Variants in CEP78 observed in about 807,000 individuals in gnomAD.
The protein encoded by CEP78 is centrosomal protein 78.
CEP78 carries 76 observed loss-of-function variants against 81.2 expected under a neutral mutation model. That is an observed-to-expected ratio of 0.94 (90% confidence interval 0.78 to 1.13). CEP78 has a LOEUF of 1.13. Ranked by LOEUF, CEP78 falls within the 50% of genes most tolerant of loss-of-function variation. CEP78 has a pLI of 0.00. For missense variants in CEP78, 918 were observed against 846.8 expected (o/e 1.08, Z -1.04); for synonymous variants, 293 against 301.4 (o/e 0.97, Z 0.29).
At position 78,246,735 on chromosome 9, in the gene CEP78, C is replaced by G; in HGVS notation, c.845C>G (p.Thr282Ser). Residue 282 changes from threonine (T) to serine (S), a missense_variant, in exon 6 of 17, where the codon ACC becomes AGC. Coordinates refer to ENST00000643273, the MANE Select transcript of CEP78 (RefSeq NM_001330691.3). ...AAGGCTTTGCTAGAGGCCCTTGAAA[C>G]CAATACAACTCTGGTCGTTCTGGAT... ...GAKALLEALE[T>S]NTTLVVLDIR... 3.1e-6 allele frequency: 5 copies of G among 1,611,096 alleles called. No individual in the cohort carries two copies. The highest frequency in any genetic ancestry group is 3.4e-6 in the Non-Finnish European group (4 of 1,178,580).
chr9:78,264,254 GGGC>G lies in CEP78; in HGVS notation c.1564_1566del (p.Gly522del). Reference sequence around the variant, plus strand: ...TGATCCTGGATGATGAAGGTGTTTTGGGCAGCATTGAGAATTCTTTTCAGAAGT... The same window carrying G: ...TGATCCTGGATGATGAAGGTGTTTTGAGCATTGAGAATTCTTTTCAGAAGT... On this transcript the variant is annotated inframe_deletion, in exon 13 of 17. Coordinates refer to ENST00000643273, the MANE Select transcript of CEP78 (RefSeq NM_001330691.3). The G allele has an allele frequency of 6.2e-7, 1 of 1,612,154 alleles. No homozygotes were observed. The highest frequency in any genetic ancestry group is 1.1e-5 in the South Asian group (1 of 90,998).
At chr9:78,244,405 G>A (rs1209317526) in intron 5 of CEP78, among the ~76,000 whole-genome samples, 2 of 152,094 alleles carry the variant, frequency 1.3e-5, no homozygotes, top group Non-Finnish European at 2.9e-5. Flanking sequence ...TGGGATTCCA[G>A]GCATGAGCCA....
intron 1 of CEP78, among the ~76,000 whole-genome samples, chr9:78,238,664 C>T (rs1826075165): frequency 6.6e-6 from 1 of 152,210 alleles, no homozygotes; most frequent in African/African-American, 2.4e-5. Flanking sequence ...CAGTTCAACA[C>T]ATCTGCTTCT....
chr9:78,273,915 T>C lies in CEP78; in HGVS notation c.*3064T>C, dbSNP rs554339104. 1.3e-5 allele frequency: 2 copies of C among 152,226 alleles called. No homozygotes were observed. Among genetic ancestry groups the C allele is most frequent in the Non-Finnish European group, 2.9e-5 (2 of 68,046 alleles). 9.4% of individuals were successfully genotyped at this position (152,226 alleles called of 1,614,324 possible). A position where few individuals can be genotyped will look rare whatever the true frequency, so the allele number is the denominator to read the frequency against. ...TAACATTTTGAAATGCTGATAAATATGCAGAGCAACTGGAGTTCCTCACAG... is the reference window on the plus strand; with the variant it reads ...TAACATTTTGAAATGCTGATAAATACGCAGAGCAACTGGAGTTCCTCACAG... On this transcript the variant is annotated 3_prime_UTR_variant, in exon 17 of 17. Transcript: ENST00000643273.
chr9:78,260,483 G>A (rs1002512404), intron 11 of CEP78, among the ~76,000 whole-genome samples: 7 of 152,040 alleles, frequency 4.6e-5, no homozygotes, highest in African/African-American at 1.7e-4. Context: ...CAAGGCAGGT[G>A]GATCATGAGT....
In CEP78 at chr9:78,274,643, TA is replaced by T. The variant is rs1827764708; in HGVS notation, c.*3798del. 1 of 152,074 alleles carries T rather than the reference TA, an allele frequency of 6.6e-6. No individual in the cohort carries two copies. The highest frequency in any genetic ancestry group is 1.5e-5 in the Non-Finnish European group (1 of 68,000). 9.4% of individuals were successfully genotyped at this position (152,074 alleles called of 1,614,324 possible). Reference sequence around the variant, plus strand: ...TTCATATAAATGATTCCTATGAAGGTAAAAAACTTACAAAATTCAAAGATCA... The same window carrying T: ...TTCATATAAATGATTCCTATGAAGGTAAAAACTTACAAAATTCAAAGATCA... On this transcript the variant is annotated 3_prime_UTR_variant, in exon 17 of 17. Coordinates refer to ENST00000643273, the MANE Select transcript of CEP78 (RefSeq NM_001330691.3).
intron 6 of CEP78, among the ~76,000 whole-genome samples, chr9:78,247,464 C>A (rs999051939): frequency 6.6e-6 from 1 of 152,018 alleles, no homozygotes; most frequent in Non-Finnish European, 1.5e-5. Flanking sequence ...GCAAGAAGGC[C>A]AATATGGTTG....
At chr9:78,268,179 T>C (rs1363760754) in intron 16 of CEP78, among the ~76,000 whole-genome samples, 1 of 152,138 alleles carries the variant, frequency 6.6e-6, no homozygotes, top group Non-Finnish European at 1.5e-5. Context: ...GTCATGTTAA[T>C]TTCTAAGCTA....
chr9:78,247,269 G>A (rs1383221551), intron 6 of CEP78, among the ~76,000 whole-genome samples: 1 of 152,170 alleles, frequency 6.6e-6, no homozygotes, highest in Admixed American at 6.5e-5. Flanking sequence ...ACAGATGGGG[G>A]CAGGTGGGAC....
rs931607359 is a variant in CEP78, at chr9:78,268,651, G to A, written c.2107+1948G>A. On this transcript the variant is annotated intron_variant, in intron 16 of 16. Transcript: ENST00000643273. Reference sequence around the variant, plus strand: ...TTAGACAAACATAAAGGAGACCCTCGCATAAATAGAATTAAGCAGGTTTCT... The same window carrying A: ...TTAGACAAACATAAAGGAGACCCTCACATAAATAGAATTAAGCAGGTTTCT... Among the ~76,000 whole-genome samples the A allele has an allele frequency of 4.0e-5, 6 of 150,474 alleles. No homozygotes were observed. In the South Asian group the frequency reaches 6.3e-4, roughly 16 times the overall value.
intron 9 of CEP78, among the ~76,000 whole-genome samples, chr9:78,252,890 A>G (rs1009188437): frequency 6.6e-6 from 1 of 152,216 alleles, no homozygotes; most frequent in African/African-American, 2.4e-5. Flanking sequence ...ACAGTTTCAT[A>G]TCTTCTTGAG....
At chr9:78,269,106 G>A (rs1201033529) in intron 16 of CEP78, among the ~76,000 whole-genome samples, 1 of 152,138 alleles carries the variant, frequency 6.6e-6, no homozygotes. Flanking sequence ...CTGGTGCCAC[G>A]AAATGCCAAT....
intron 6 of CEP78, among the ~76,000 whole-genome samples, chr9:78,247,153 C>A (rs541192141): frequency 5.3e-5 from 8 of 152,180 alleles, no homozygotes; most frequent in Non-Finnish European, 1.2e-4. Context: ...CAGCAGTAAA[C>A]CAGCTAGACA....
Position 78,270,860 on chromosome 9 carries a change from G to C in CEP78, c.*9G>C. The C allele has an allele frequency of 1.4e-6, 1 of 690,516 alleles. No individual in the cohort carries two copies. Among genetic ancestry groups the C allele is most frequent in the Non-Finnish European group, 2.6e-6 (1 of 377,804 alleles). The allele number at this position is 690,516 out of a possible 1,614,324, so 42.8% of individuals were successfully genotyped here. A position where few individuals can be genotyped will look rare whatever the true frequency, so the allele number is the denominator to read the frequency against. On this transcript the variant is annotated 3_prime_UTR_variant, in exon 17 of 17. Coordinates refer to ENST00000643273, the MANE Select transcript of CEP78 (RefSeq NM_001330691.3). The stretch of plus-strand genomic sequence containing the variant: ...TTCTAGAATCCCATTGAAATGACTG[G>C]AGAAATATTAAAATAAAAATAATAG...
At chr9:78,270,652 C>T (rs1827671223) in intron 16 of CEP78, among the ~76,000 whole-genome samples, 189 bp from the exon 17 acceptor site, 1 of 152,186 alleles carries the variant, frequency 6.6e-6, no homozygotes, top group South Asian at 2.1e-4. Context: ...CCATCCAGTT[C>T]TATATCCAAT....
chr9:78,245,846 T>G (rs1301417944), intron 5 of CEP78, among the ~76,000 whole-genome samples: 2 of 152,236 alleles, frequency 1.3e-5, no homozygotes, highest in Non-Finnish European at 2.9e-5. Context: ...TTCTATCTCC[T>G]TAGAGTTCTT....
At chr9:78,251,696 A>ATTT (rs1215516607) in intron 8 of CEP78, among the ~76,000 whole-genome samples, 1 of 151,080 alleles carries the variant, frequency 6.6e-6, no homozygotes, top group African/African-American at 2.4e-5. Context: ...TTATATATTT[A>ATTT]TTACTTATAT....
chr9:78,251,838 G>A, intron 8 of CEP78, 70 bp from the exon 9 acceptor site: 1 of 1,392,928 alleles, frequency 7.2e-7, no homozygotes, highest in Non-Finnish European at 9.9e-7. Context: ...TTAAGAGTAT[G>A]CACATGTGCC....
rs1826624829 is a variant in CEP78, at chr9:78,248,846, C to T, written c.1042C>T (p.His348Tyr). Residue 348 changes from histidine to tyrosine, a missense_variant, in exon 8 of 17, where the codon CAC becomes TAC. Coordinates refer to ENST00000643273, the MANE Select transcript of CEP78 (RefSeq NM_001330691.3). The stretch of plus-strand genomic sequence containing the variant: ...GAGAACTATAATTCTAGGAAGTGGT[C>T]ACAAAGGAAAAGCTACTATTAGAAT... ...KRRTIILGSG[H>Y]KGKATIRIGL... The T allele has an allele frequency of 6.3e-7, 1 of 1,591,412 alleles. No individual in the cohort carries two copies. The highest frequency in any genetic ancestry group is 1.1e-5 in the South Asian group (1 of 87,576).
Sources: allele counts gnomAD v4.1 joint callset (sites outside exome capture counted in the v4.1 genomes callset), GRCh38; gene constraint gnomAD v4.1.1; transcripts MANE v1.5; gene names NCBI Gene and HGNC (gene_info 2026-07-23, HGNC 2026-07-21).